OR10W1: variants seen among roughly 807,000 people sequenced by gnomAD.
OR10W1 encodes olfactory receptor 10W1.
For synonymous variants in OR10W1, 152 were observed against 151.6 expected (o/e 1.00, Z -0.02); for missense variants, 406 against 365.8 (o/e 1.11, Z -0.90).
Position 58,267,178 on chromosome 11 carries a change from C to A in OR10W1, c.681G>T (p.Arg227=). ...GGTGGGAAGAGCAGGTGGAGAAGGC[C>A]CGGTGGCGGCCAGCAGCCGAGTGGA... ...LKIHSAAGRH[R]AFSTCSSHLT... Residue 227 remains arginine, a synonymous_variant, in exon 1 of 1, where the codon CGG becomes CGT. Coordinates refer to ENST00000395079, the MANE Select transcript of OR10W1 (RefSeq NM_207374.3). The A allele has an allele frequency of 6.2e-7, 1 of 1,614,082 alleles. No homozygotes were observed. Among genetic ancestry groups the A allele is most frequent in the Non-Finnish European group, 8.5e-7 (1 of 1,180,008 alleles).
chr11:58,266,837 T>C lies in OR10W1; in HGVS notation c.*104A>G. On this transcript the variant is annotated 3_prime_UTR_variant, in exon 1 of 1. Coordinates refer to ENST00000395079, the MANE Select transcript of OR10W1 (RefSeq NM_207374.3). Reference sequence around the variant, plus strand: ...AACAGTATCCATATAATTTATACCATCTTTTAGATGAGTTTTAACACCAAA... The same window carrying C: ...AACAGTATCCATATAATTTATACCACCTTTTAGATGAGTTTTAACACCAAA... 5 of 867,576 alleles carry C rather than the reference T, an allele frequency of 5.8e-6. No individual in the cohort carries two copies. Among genetic ancestry groups the C allele is most frequent in the Non-Finnish European group, 8.9e-6 (5 of 559,096 alleles). 53.7% of individuals were successfully genotyped at this position (867,576 alleles called of 1,614,324 possible). A position where few individuals can be genotyped will look rare whatever the true frequency, so the allele number is the denominator to read the frequency against.
chr11:58,267,134 T>G lies in OR10W1; in HGVS notation c.725A>C (p.Gln242Pro). The G allele has an allele frequency of 6.2e-7, 1 of 1,614,118 alleles. No individual in the cohort carries two copies. Among genetic ancestry groups the G allele is most frequent in the East Asian group, 2.2e-5 (1 of 44,874 alleles). Residue 242 changes from glutamine (Q) to proline (P), a missense_variant, in exon 1 of 1, where the codon CAG (glutamine) becomes CCG (proline). Gln to Pro is a moderately conservative substitution (Grantham distance 76). Coordinates refer to ENST00000395079, the MANE Select transcript of OR10W1 (RefSeq NM_207374.3). ...GTACATGAAGGCACAGCAGCCATAC[T>G]GCAGCAGCACCACAGTGAGGTGGGA... ...CSSHLTVVLL[Q>P]YGCCAFMYLC... is the part of the protein sequence containing the mutation.
In OR10W1 at chr11:58,267,221, A is replaced by T; in HGVS notation, c.638T>A (p.Val213Glu). 1.9e-6 allele frequency: 3 copies of T among 1,614,224 alleles called. No individual in the cohort carries two copies. Among genetic ancestry groups the T allele is most frequent in the Non-Finnish European group, 2.5e-6 (3 of 1,180,024 alleles). Reference sequence around the variant, plus strand: ...CGAGTGGATCTTGAGCAGAGCAGCCACTATGAAGGTGTAGGAGGTGGTGAT... The same window carrying T: ...CGAGTGGATCTTGAGCAGAGCAGCCTCTATGAAGGTGTAGGAGGTGGTGAT... ...FLITTSYTFIVAALLKIHSAA... is the reference protein window; with the variant it reads ...FLITTSYTFIEAALLKIHSAA... Residue 213 changes from valine to glutamate, a missense_variant, in exon 1 of 1, where the codon GTG (valine) becomes GAG (glutamate). Transcript: ENST00000395079.
Position 58,267,075 on chromosome 11 carries a change from C to A in OR10W1, c.784G>T (p.Asp262Tyr), listed in dbSNP as rs80057208. The A allele has an allele frequency of 2.8e-5, 45 of 1,614,070 alleles. No individual in the cohort carries two copies. In the African/African-American group the frequency reaches 5.2e-4, roughly 19 times the overall value. The change falls in exon 1 of 1, where the codon GAT becomes TAT. Residue 262 changes from aspartate (D) to tyrosine (Y), a missense_variant. Transcript: ENST00000395079. ...GTGTACACCAGTGAGATGAACCGAT[C>A]TTGCTTGGGGTTGTAGCTGGAGCTG... ...CPSSSYNPKQDRFISLVYTLG... is the reference protein window; with the variant it reads ...CPSSSYNPKQYRFISLVYTLG...
In OR10W1 at chr11:58,267,334, G is replaced by T; in HGVS notation, c.525C>A (p.Val175=). ...GACTCTGAGCACAAACAACATGCAT[G>T]ACTGGTGGCACATCACAAAAGAAGT... ...IEHFFCDVPP[V]MHVVCAQSHI... Residue 175 remains valine (V), a synonymous_variant, in exon 1 of 1, where the codon GTC becomes GTA. Coordinates refer to ENST00000395079, the MANE Select transcript of OR10W1 (RefSeq NM_207374.3). 3.7e-6 allele frequency: 6 copies of T among 1,614,006 alleles called. No homozygotes were observed. The highest frequency in any genetic ancestry group is 1.1e-5 in the South Asian group (1 of 91,042).
rs900327353 is a variant in OR10W1, at chr11:58,267,695, C to T, written c.164G>A (p.Gly55Asp). 1.9e-6 allele frequency: 3 copies of T among 1,613,968 alleles called. No homozygotes were observed. Among genetic ancestry groups the T allele is most frequent in the Admixed American group, 1.7e-5 (1 of 59,988 alleles). The change falls in exon 1 of 1, where the codon GGC becomes GAC. Residue 55 changes from glycine (G) to aspartate (D), a missense_variant. Gly to Asp is a moderately conservative substitution (Grantham distance 94). Transcript: ENST00000395079. ...GCATATTTCAATCCCAGAAAGGCTG[C>T]CCAGGAAATAGTACATGGATGTGCA... ...CLCTSMYYFL[G>D]SLSGIEICYT...
In OR10W1 at chr11:58,267,337, T is replaced by G. The variant is rs1200760298; in HGVS notation, c.522A>C (p.Pro174=). The G allele has an allele frequency of 6.2e-7, 1 of 1,614,008 alleles. No homozygotes were observed. The highest frequency in any genetic ancestry group is 8.5e-7 in the Non-Finnish European group (1 of 1,179,956). The change falls in exon 1 of 1, where the codon CCA becomes CCC. Residue 174 remains proline, a synonymous_variant. Transcript: ENST00000395079. ...TCTGAGCACAAACAACATGCATGAC[T>G]GGTGGCACATCACAAAAGAAGTGCT... ...GIEHFFCDVP[P]VMHVVCAQSH... is the part of the protein sequence containing the mutation.
In OR10W1 at chr11:58,267,628, T is replaced by C; in HGVS notation, c.231A>G (p.Leu77=). Residue 77 remains leucine, a synonymous_variant, in exon 1 of 1, where the codon CTA becomes CTG. Coordinates refer to ENST00000395079, the MANE Select transcript of OR10W1 (RefSeq NM_207374.3). The part of the protein sequence containing the change: ...VVVPHILANT[L]QSEKTITLLG... ...GGAGAGTGATGGTCTTCTCTGACTG[T>C]AGGGTGTTGGCCAGGATATGGGGCA... 6.2e-7 allele frequency: 1 copy of C among 1,614,138 alleles called. No individual in the cohort carries two copies.
Position 58,267,956 on chromosome 11 carries a change from T to A in OR10W1, c.-98A>T. On this transcript the variant is annotated 5_prime_UTR_variant, in exon 1 of 1. Transcript: ENST00000395079. ...AGAATCAGACTGAAGATAAATTAAG[T>A]TACACTCTGAGCCATGAATCTAATG... 1.2e-6 allele frequency: 1 copy of A among 859,990 alleles called. No homozygotes were observed. The highest frequency in any genetic ancestry group is 1.8e-6 in the Non-Finnish European group (1 of 540,894). 53.3% of individuals were successfully genotyped at this position (859,990 alleles called of 1,614,324 possible). A position where few individuals can be genotyped will look rare whatever the true frequency, so the allele number is the denominator to read the frequency against.
Position 58,266,820 on chromosome 11 carries a change from C to A in OR10W1, c.*121G>T. On this transcript the variant is annotated 3_prime_UTR_variant, in exon 1 of 1. Coordinates refer to ENST00000395079, the MANE Select transcript of OR10W1 (RefSeq NM_207374.3). ...AATCTTTGGCACACATAAACAGTAT[C>A]CATATAATTTATACCATCTTTTAGA... 1.4e-6 allele frequency: 1 copy of A among 717,416 alleles called. No homozygotes were observed. Among genetic ancestry groups the A allele is most frequent in the Non-Finnish European group, 2.3e-6 (1 of 435,344 alleles). The allele number at this position is 717,416 out of a possible 1,614,324, so 44.4% of individuals were successfully genotyped here. A position where few individuals can be genotyped will look rare whatever the true frequency, so the allele number is the denominator to read the frequency against.
At position 58,267,886 on chromosome 11, in the gene OR10W1, T is replaced by G; in HGVS notation, c.-28A>C. ...ACACTGAGTGATTTTCCCAGGTAAT[T>G]GAGCTAACAGTATTTCTCTGTGGAG... is the stretch of plus-strand genomic sequence containing the variant. On this transcript the variant is annotated 5_prime_UTR_variant, in exon 1 of 1. Coordinates refer to ENST00000395079, the MANE Select transcript of OR10W1 (RefSeq NM_207374.3). 1 of 1,538,362 alleles carries G rather than the reference T, an allele frequency of 6.5e-7. No individual in the cohort carries two copies.
chr11:58,267,416 A>G lies in OR10W1; in HGVS notation c.443T>C (p.Leu148Ser). ...AGAGAAGATGAAGGCCACCAGTTGT[A>G]AGGACAGGAACAGACCACTGATGAC... ...ASVISGLFLS[L>S]QLVAFIFSLP... Residue 148 changes from leucine (L) to serine (S), a missense_variant, in exon 1 of 1, where the codon TTA (leucine) becomes TCA (serine). Physicochemically the swap from Leu to Ser is moderately radical, Grantham distance 145. Coordinates refer to ENST00000395079, the MANE Select transcript of OR10W1 (RefSeq NM_207374.3). 1 of 1,613,778 alleles carries G rather than the reference A, an allele frequency of 6.2e-7. No individual in the cohort carries two copies. The highest frequency in any genetic ancestry group is 8.5e-7 in the Non-Finnish European group (1 of 1,179,876).
In OR10W1 at chr11:58,267,476, G is replaced by A. The variant is rs200833145; in HGVS notation, c.383C>T (p.Thr128Ile). The part of the protein sequence containing the change: ...CHPLQYPLLM[T>I]LTLCVHLVVA... ...AACCAAGTGGACACAAAGAGTCAAT[G>A]TCATGAGGAGAGGGTACTGCAACGG... Residue 128 changes from threonine to isoleucine, a missense_variant, in exon 1 of 1, where the codon ACA becomes ATA. Physicochemically the swap from Thr to Ile is moderately conservative, Grantham distance 89. Transcript: ENST00000395079. 4.5e-3 allele frequency: 7,205 copies of A among 1,614,064 alleles called. 309 individuals carry two copies. In the South Asian group the frequency reaches 0.075, roughly 17 times the overall value.
At position 58,267,845 on chromosome 11, in the gene OR10W1, A is replaced by G; in HGVS notation, c.14T>C (p.Phe5Ser). 1 of 1,613,138 alleles carries G rather than the reference A, an allele frequency of 6.2e-7. No individual in the cohort carries two copies. Among genetic ancestry groups the G allele is most frequent in the Non-Finnish European group, 8.5e-7 (1 of 1,179,340 alleles). MEFVFLAYPSCPELH... is the reference protein window; with the variant it reads MEFVSLAYPSCPELH... ...TTCTGGGCAGGAGGGATAGGCCAGGAACACAAATTCCATCAACACTGAGTG... is the reference window on the plus strand; with the variant it reads ...TTCTGGGCAGGAGGGATAGGCCAGGGACACAAATTCCATCAACACTGAGTG... The change falls in exon 1 of 1, where the codon TTC (phenylalanine) becomes TCC (serine). Residue 5 changes from phenylalanine (F) to serine (S), a missense_variant. By Grantham distance (155) the Phe-to-Ser change is radical (BLOSUM62 -2). Transcript: ENST00000395079.
chr11:58,267,715 T>A lies in OR10W1; in HGVS notation c.144A>T (p.Thr48=), dbSNP rs1853562309. 1 of 1,614,066 alleles carries A rather than the reference T, an allele frequency of 6.2e-7. No homozygotes were observed. Among genetic ancestry groups the A allele is most frequent in the African/African-American group, 1.3e-5 (1 of 74,932 alleles). Residue 48 remains threonine, a synonymous_variant, in exon 1 of 1, where the codon ACA becomes ACT. Coordinates refer to ENST00000395079, the MANE Select transcript of OR10W1 (RefSeq NM_207374.3). ...VSIHTETCLC[T]SMYYFLGSLS... ...GGCTGCCCAGGAAATAGTACATGGA[T>A]GTGCATAGACAGGTTTCTGTGTGAA...
In OR10W1 at chr11:58,267,425, AACAG is replaced by A; in HGVS notation, c.430_433del (p.Leu144SerfsTer52). On this transcript the variant is annotated frameshift_variant, in exon 1 of 1. Transcript: ENST00000395079. LOFTEE classifies it low-confidence loss of function (END_TRUNC). ...GAAGGCCACCAGTTGTAAGGACAGG[AACAG>A]ACCACTGATGACTGATGCCACAACC... 6.2e-7 allele frequency: 1 copy of A among 1,613,884 alleles called. No individual in the cohort carries two copies. The highest frequency in any genetic ancestry group is 8.5e-7 in the Non-Finnish European group (1 of 1,179,906).
Position 58,267,590 on chromosome 11 carries a change from G to T in OR10W1, c.269C>A (p.Thr90Asn), listed in dbSNP as rs151260828. 1.3e-3 allele frequency: 2,104 copies of T among 1,614,170 alleles called. 11 individuals carry two copies. The highest frequency in any genetic ancestry group is 7.5e-3 in the East Asian group (337 of 44,870). The change falls in exon 1 of 1, where the codon ACC (threonine) becomes AAC (asparagine). Residue 90 changes from threonine to asparagine, a missense_variant. Physicochemically the swap from Thr to Asn is moderately conservative, Grantham distance 65. Transcript: ENST00000395079. Reference protein sequence around the residue: ...EKTITLLGCATQMAFFIALGS... With the variant: ...EKTITLLGCANQMAFFIALGS... ...CAGTGCAATGAAGAAAGCCATCTGG[G>T]TGGCACAGCCCAGGAGAGTGATGGT...
At position 58,266,917 on chromosome 11, in the gene OR10W1, T is replaced by C. The variant is rs746105589; in HGVS notation, c.*24A>G. 6.6e-7 allele frequency: 1 copy of C among 1,510,790 alleles called. No homozygotes were observed. The highest frequency in any genetic ancestry group is 8.9e-7 in the Non-Finnish European group (1 of 1,126,432). The allele number at this position is 1,510,790 out of a possible 1,614,324, so 93.6% of individuals were successfully genotyped here. ...GGTGGGCTGGAACCAAATACTTGCCTGATAGGCTGTCCCCTCGTCTTTCCT... is the reference window on the plus strand; with the variant it reads ...GGTGGGCTGGAACCAAATACTTGCCCGATAGGCTGTCCCCTCGTCTTTCCT... On this transcript the variant is annotated 3_prime_UTR_variant, in exon 1 of 1. Transcript: ENST00000395079.
In OR10W1 at chr11:58,267,963, C is replaced by G. The variant is rs1853566045; in HGVS notation, c.-105G>C. The G allele has an allele frequency of 1.2e-6, 1 of 805,726 alleles. No homozygotes were observed. The highest frequency in any genetic ancestry group is 2.0e-6 in the Non-Finnish European group (1 of 496,270). The allele number at this position is 805,726 out of a possible 1,614,324, so 49.9% of individuals were successfully genotyped here. A position where few individuals can be genotyped will look rare whatever the true frequency, so the allele number is the denominator to read the frequency against. The stretch of plus-strand genomic sequence containing the variant: ...GACTGAAGATAAATTAAGTTACACT[C>G]TGAGCCATGAATCTAATGTAATCAG... On this transcript the variant is annotated 5_prime_UTR_variant, in exon 1 of 1. Coordinates refer to ENST00000395079, the MANE Select transcript of OR10W1 (RefSeq NM_207374.3).
Sources: gnomAD v4.1 joint callset for allele counts on GRCh38, gnomAD v4.1.1 for gene constraint, MANE v1.5 for transcripts, NCBI Gene and HGNC (gene_info 2026-07-23, HGNC 2026-07-21) for gene names.